Variants in GPR37L1 observed in about 807,000 individuals in gnomAD.
GPR37L1 encodes the protein G protein-coupled receptor 37 like 1.
In GPR37L1, 18 loss-of-function variants were observed where a neutral mutation model predicts 18.0. That is an observed-to-expected ratio of 1.00 (90% CI 0.69 to 1.49). GPR37L1 has a LOEUF of 1.49. Ranked by LOEUF, GPR37L1 falls within the 40% of genes most tolerant of loss-of-function variation. The pLI is 0.00. For missense variants in GPR37L1, 558 were observed against 615.1 expected, an observed-to-expected ratio of 0.91 and a Z score of 0.98; for synonymous variants, 256 against 273.9, an observed-to-expected ratio of 0.93 and a Z score of 0.65.
intron 1 of GPR37L1, among the ~76,000 whole-genome samples, chr1:202,124,168 TG>T (rs1171761837): frequency 6.6e-6 from 1 of 152,182 alleles, no homozygotes; most frequent in Non-Finnish European, 1.5e-5. Flanking sequence ...CCCTCCCTGC[TG>T]GGATTCTCAT....
chr1:202,124,112 C>T (rs1159047585), intron 1 of GPR37L1, among the ~76,000 whole-genome samples: 1 of 152,194 alleles, frequency 6.6e-6, no homozygotes, highest in East Asian at 1.9e-4. Context: ...TCAGCATCCA[C>T]TCCATGAGAA....
intron 1 of GPR37L1, among the ~76,000 whole-genome samples, chr1:202,127,454 A>G (rs1654701341): frequency 6.6e-6 from 1 of 152,024 alleles, no homozygotes; most frequent in South Asian, 2.1e-4. Flanking sequence ...AGTTGGGACC[A>G]CAGGCGTGCC....
In GPR37L1 at chr1:202,127,791, C is replaced by T. The variant is rs774992087; in HGVS notation, c.681C>T (p.Asp227=). ...TCAGCCTCTGTGCCCTGGGCATTGACCGCTTCCACGTGGCCACCAGCACCC... is the reference window on the plus strand; with the variant it reads ...TCAGCCTCTGTGCCCTGGGCATTGATCGCTTCCACGTGGCCACCAGCACCC... ...TTFSLCALGI[D]RFHVATSTLP... Residue 227 remains aspartate (D), a synonymous_variant, in exon 2 of 2, where the codon GAC becomes GAT. Transcript: ENST00000367282. 1.2e-6 allele frequency: 2 copies of T among 1,606,652 alleles called. No homozygotes were observed. The highest frequency in any genetic ancestry group is 4.5e-5 in the East Asian group (2 of 44,738).
rs1194621117 is a variant in GPR37L1 at position 202,129,550 on chromosome 1, C to T, written c.*994C>T. On this transcript the variant is annotated 3_prime_UTR_variant, in exon 2 of 2. Coordinates refer to ENST00000367282, the MANE Select transcript of GPR37L1 (RefSeq NM_004767.5). Reference sequence around the variant, plus strand: ...TTCTTGTGCCACATTCTGGCAGGGCCCAGATGCAGCTGGGCCTTCCTGGCC... The same window carrying T: ...TTCTTGTGCCACATTCTGGCAGGGCTCAGATGCAGCTGGGCCTTCCTGGCC... 1 of 152,314 alleles carries T rather than the reference C, an allele frequency of 6.6e-6. No individual in the cohort carries two copies. The highest frequency in any genetic ancestry group is 1.5e-5 in the Non-Finnish European group (1 of 68,128). The allele number at this position is 152,314 out of a possible 1,614,324, so 9.4% of individuals were successfully genotyped here.
At chr1:202,126,956 G>C (rs532786652) in intron 1 of GPR37L1, among the ~76,000 whole-genome samples, 2 of 152,224 alleles carry the variant, frequency 1.3e-5, no homozygotes, top group South Asian at 4.1e-4. Context: ...CAAAGATCCA[G>C]AACTTCTATG....
chr1:202,126,798 G>A (rs1004003200), intron 1 of GPR37L1, among the ~76,000 whole-genome samples: 1 of 151,680 alleles, frequency 6.6e-6, no homozygotes, highest in African/African-American at 2.4e-5. Flanking sequence ...ACACAGCCAG[G>A]TCCTGGGCTT....
At chr1:202,126,184 C>T (rs1028709407) in intron 1 of GPR37L1, among the ~76,000 whole-genome samples, 10 of 152,040 alleles carry the variant, frequency 6.6e-5, no homozygotes, top group South Asian at 2.1e-4. Flanking sequence ...CCGAGGTGGG[C>T]GGATCACGAG....
Position 202,127,932 on chromosome 1 carries a change from G to A in GPR37L1, c.822G>A (p.Gln274=), listed in dbSNP as rs761183427. 1.9e-6 allele frequency: 3 copies of A among 1,613,854 alleles called. No homozygotes were observed. The South Asian group carries it at 3.3e-5, about 18-fold the overall frequency. Residue 274 remains glutamine, a synonymous_variant, in exon 2 of 2, where the codon CAG becomes CAA. Transcript: ENST00000367282. ...VPELLLWQLA[Q]EPAPTMGTLD... is the part of the protein sequence containing the mutation. ...AGCTCCTGCTGTGGCAGCTGGCACA[G>A]GAGCCTGCCCCCACCATGGGCACCC...
chr1:202,125,441 T>G (rs1224393659), intron 1 of GPR37L1, among the ~76,000 whole-genome samples: 2 of 152,090 alleles, frequency 1.3e-5, no homozygotes, highest in Admixed American at 6.6e-5. Flanking sequence ...GTCTATACAG[T>G]GCTTAGAATT....
intron 1 of GPR37L1, among the ~76,000 whole-genome samples, chr1:202,126,181 G>T (rs1039196785): frequency 1.3e-5 from 2 of 152,148 alleles, no homozygotes; most frequent in Admixed American, 6.5e-5. Context: ...AGGCCGAGGT[G>T]GGCGGATCAC....
In GPR37L1 at chr1:202,132,507, G is replaced by C. The variant is rs1294732431; in HGVS notation, c.*3951G>C. 1 of 152,316 alleles carries C rather than the reference G, an allele frequency of 6.6e-6. No homozygotes were observed. The allele number at this position is 152,316 out of a possible 1,614,324, so 9.4% of individuals were successfully genotyped here. A position where few individuals can be genotyped will look rare whatever the true frequency, so the allele number is the denominator to read the frequency against. ...GGGCACCAATGAAGGTGAGGGGCTG[G>C]AGGGCCCAGGACGGGGAGTCAAGGT... On this transcript the variant is annotated 3_prime_UTR_variant, in exon 2 of 2. Transcript: ENST00000367282.
Position 202,131,443 on chromosome 1 carries a change from C to A in GPR37L1, c.*2887C>A, listed in dbSNP as rs550485282. On this transcript the variant is annotated 3_prime_UTR_variant, in exon 2 of 2. Transcript: ENST00000367282. ...GCATGGTGCCCCGAACCTTTTATTC[C>A]TTCCTCTCCTTTGGGAATTCAATTC... 1 of 152,308 alleles carries A rather than the reference C, an allele frequency of 6.6e-6. No homozygotes were observed. Among genetic ancestry groups the A allele is most frequent in the African/African-American group, 2.4e-5 (1 of 41,572 alleles). The allele number at this position is 152,308 out of a possible 1,614,324, so 9.4% of individuals were successfully genotyped here.
At position 202,126,445 on chromosome 1, in the gene GPR37L1, C is replaced by T. The variant is rs546506616; in HGVS notation, c.631-1296C>T. On this transcript the variant is annotated intron_variant, in intron 1 of 1. Coordinates refer to ENST00000367282, the MANE Select transcript of GPR37L1 (RefSeq NM_004767.5). ...AGAGAGAATGGCGTTTCTACCCAAG[C>T]CTGAAGCCTGTGCCTCTGCAGGCCT... is the stretch of plus-strand genomic sequence containing the variant. 2.0e-5 allele frequency among the ~76,000 whole-genome samples: 3 copies of T among 151,910 alleles called. No homozygotes were observed. The South Asian group carries it at 6.3e-4, about 32-fold the overall frequency.
intron 1 of GPR37L1, 94 bp downstream of exon 1, chr1:202,123,687 G>T: frequency 8.2e-7 from 1 of 1,224,606 alleles, no homozygotes; most frequent in East Asian, 2.3e-5. Context: ...GGAATTTGTG[G>T]GTGTGCAAAA....
rs1654718105 is a variant in GPR37L1, at chr1:202,127,953, C to T, written c.843C>T (p.Gly281=). 6.2e-7 allele frequency: 1 copy of T among 1,613,952 alleles called. No homozygotes were observed. The highest frequency in any genetic ancestry group is 8.5e-7 in the Non-Finnish European group (1 of 1,179,900). ...CACAGGAGCCTGCCCCCACCATGGG[C>T]ACCCTGGACTCATGCATCATGAAAC... is the stretch of plus-strand genomic sequence containing the variant. ...QLAQEPAPTM[G]TLDSCIMKPS... Residue 281 remains glycine (G), a synonymous_variant, in exon 2 of 2, where the codon GGC becomes GGT. Transcript: ENST00000367282.
At chr1:202,124,808 C>A (rs1250577478) in intron 1 of GPR37L1, among the ~76,000 whole-genome samples, 1 of 152,164 alleles carries the variant, frequency 6.6e-6, no homozygotes, top group African/African-American at 2.4e-5. Context: ...TGGGTACAGT[C>A]CTTTCCTGTC....
rs907139927 is a variant in GPR37L1, at chr1:202,127,341, G to A, written c.631-400G>A. 2.8e-5 allele frequency among the ~76,000 whole-genome samples: 4 copies of A among 144,336 alleles called. No homozygotes were observed. The South Asian group carries it at 8.6e-4, about 31-fold the overall frequency. 94.7% of individuals were successfully genotyped at this position (144,336 alleles called of 152,430 possible). The stretch of plus-strand genomic sequence containing the variant: ...TTCCTTCCTTCCTTGTTTCCACAGG[G>A]TTTTGCTCTGTCACCCAGGCTGGAG... On this transcript the variant is annotated intron_variant, in intron 1 of 1. Transcript: ENST00000367282.
Position 202,127,688 on chromosome 1 carries a change from T to A in GPR37L1, c.631-53T>A, listed in dbSNP as rs1654707700. ...GCCAGAAGCCAGGTGTCCTTCCTTGTCCCCATAGATTTTGACCAAGTGCTT... is the reference window on the plus strand; with the variant it reads ...GCCAGAAGCCAGGTGTCCTTCCTTGACCCCATAGATTTTGACCAAGTGCTT... On this transcript the variant is annotated intron_variant, in intron 1 of 1. Coordinates refer to ENST00000367282, the MANE Select transcript of GPR37L1 (RefSeq NM_004767.5). 4 of 1,298,114 alleles carry A rather than the reference T, an allele frequency of 3.1e-6. No individual in the cohort carries two copies. In the African/African-American group the frequency reaches 6.0e-5, roughly 19 times the overall value. 80.4% of individuals were successfully genotyped at this position (1,298,114 alleles called of 1,614,324 possible).
chr1:202,125,888 A>G (rs1654647040), intron 1 of GPR37L1, among the ~76,000 whole-genome samples: 1 of 152,046 alleles, frequency 6.6e-6, no homozygotes, highest in Admixed American at 6.5e-5. Context: ...CGCCCGGCTA[A>G]TTTTTGTATT....
Sources: allele counts gnomAD v4.1 joint callset (sites outside exome capture counted in the v4.1 genomes callset), GRCh38; gene constraint gnomAD v4.1.1; transcripts MANE v1.5; gene names NCBI Gene and HGNC (gene_info 2026-07-23, HGNC 2026-07-21).